NAV2: variants seen among roughly 807,000 people sequenced by gnomAD.
NAV2 encodes helicase, APC down-regulated 1.
Under a neutral mutation model 223.2 loss-of-function variants are expected in NAV2, and 54 were observed. The observed-to-expected ratio is 0.24, with a 90% CI of 0.19 to 0.30. The LOEUF (loss-of-function observed/expected upper bound fraction) is 0.30. NAV2 is among the 10% of genes least tolerant of loss of function. The pLI is 1.00. For missense variants in NAV2, 2,806 were observed against 3,147.5 expected, an observed-to-expected ratio of 0.89 and a Z score of 2.60; for synonymous variants, 1,279 against 1,239.3, an observed-to-expected ratio of 1.03 and a Z score of -0.67.
intron 1 of NAV2, among the ~76,000 whole-genome samples, chr11:19,790,387 C>A (rs555524612): frequency 1.3e-5 from 2 of 152,316 alleles, no homozygotes; most frequent in Admixed American, 1.3e-4. Context: ...CTCTGACTTC[C>A]AGCCCAGGGC....
intron 1 of NAV2, among the ~76,000 whole-genome samples, chr11:19,429,795 G>A (rs886223949): frequency 2.0e-5 from 3 of 152,188 alleles, no homozygotes; most frequent in Non-Finnish European, 4.4e-5. Flanking sequence ...TAAGTCCTGA[G>A]ACCGTGCAAC....
chr11:19,565,824 T>A (rs2045249030), intron 1 of NAV2, among the ~76,000 whole-genome samples: 1 of 152,204 alleles, frequency 6.6e-6, no homozygotes, highest in Non-Finnish European at 1.5e-5. Context: ...GACATTTCAA[T>A]TTTCCTCCTG....
chr11:20,095,233 CATT>C (rs1240585654), intron 29 of NAV2, among the ~76,000 whole-genome samples: 1 of 151,978 alleles, frequency 6.6e-6, no homozygotes, highest in Non-Finnish European at 1.5e-5. Context: ...CAGAATATAT[CATT>C]ATATAAGTTA....
At chr11:19,896,090 T>G (rs937449637) in intron 6 of NAV2, among the ~76,000 whole-genome samples, 4 of 152,304 alleles carry the variant, frequency 2.6e-5, no homozygotes, top group Non-Finnish European at 5.9e-5. Flanking sequence ...GAAGCCTTCC[T>G]GTAAGTGAGT....
intron 1 of NAV2, among the ~76,000 whole-genome samples, chr11:19,594,708 T>C (rs1177318662): frequency 1.3e-5 from 2 of 152,128 alleles, no homozygotes; most frequent in Non-Finnish European, 2.9e-5. Flanking sequence ...AACAGGGGCA[T>C]TGGTAACACT....
At chr11:19,645,819 A>G (rs764833171) in intron 1 of NAV2, among the ~76,000 whole-genome samples, 18 of 152,124 alleles carry the variant, frequency 1.2e-4, no homozygotes, top group Non-Finnish European at 5.9e-5. Flanking sequence ...TATCACCACA[A>G]CGCTGGTTGG....
rs755595337 is a variant in NAV2, at chr11:19,377,089, C to G, written c.75+26062C>G. Reference sequence around the variant, plus strand: ...AGTGCCCCAGACAAGCATCAGGAGACCTGGTTCTGGCTCCCAGCAATCTCT... The same window carrying G: ...AGTGCCCCAGACAAGCATCAGGAGAGCTGGTTCTGGCTCCCAGCAATCTCT... On this transcript the variant is annotated intron_variant, in intron 1 of 37. Transcript: ENST00000360655. Among the ~76,000 whole-genome samples the G allele has an allele frequency of 1.2e-3, 178 of 152,266 alleles. 2 individuals carry two copies. Among genetic ancestry groups the G allele is most frequent in the South Asian group, 6.2e-4 (3 of 4,826 alleles).
chr11:19,714,030 G>T, intron 1 of NAV2, 68 bp downstream of exon 1: 4 of 1,569,278 alleles, frequency 2.5e-6, no homozygotes, highest in East Asian at 2.3e-5. Context: ...GGGATGGTGT[G>T]GGAGAAAGGG....
intron 11 of NAV2, among the ~76,000 whole-genome samples, chr11:20,034,479 A>T (rs1456379452): frequency 6.6e-6 from 1 of 151,508 alleles, no homozygotes; most frequent in Non-Finnish European, 1.5e-5. Context: ...TCCCGGGTTC[A>T]AGCAATCATC....
At chr11:19,496,761 C>G (rs1333478508) in intron 1 of NAV2, among the ~76,000 whole-genome samples, 1 of 152,070 alleles carries the variant, frequency 6.6e-6, no homozygotes, top group Non-Finnish European at 1.5e-5. Context: ...AATGAACAAG[C>G]TATTTTAAAA....
intron 11 of NAV2, among the ~76,000 whole-genome samples, chr11:20,018,924 A>G (rs929207442): frequency 2.7e-4 from 41 of 152,194 alleles, no homozygotes; most frequent in Admixed American, 3.3e-4. Context: ...AAGGAGGCAC[A>G]GTGCGAGGGC....
At chr11:19,543,096 A>G (rs1194333735) in intron 1 of NAV2, among the ~76,000 whole-genome samples, 1 of 152,226 alleles carries the variant, frequency 6.6e-6, no homozygotes, top group Non-Finnish European at 1.5e-5. Context: ...ATCCTTGGTC[A>G]TCTTTAAGAT....
chr11:19,766,910 T>G (rs984119750), intron 1 of NAV2, among the ~76,000 whole-genome samples: 1 of 152,006 alleles, frequency 6.6e-6, no homozygotes, highest in African/African-American at 2.4e-5. Context: ...AAAGGCCCCT[T>G]GGGGGGTGGA....
chr11:19,946,104 A>T (rs901122099), intron 8 of NAV2, among the ~76,000 whole-genome samples: 1 of 152,210 alleles, frequency 6.6e-6, no homozygotes, highest in African/African-American at 2.4e-5. Context: ...TCTCTGTTGG[A>T]GACACTGTGG....
intron 1 of NAV2, among the ~76,000 whole-genome samples, chr11:19,811,906 G>A (rs1469887340): frequency 6.6e-6 from 1 of 152,190 alleles, no homozygotes; most frequent in Non-Finnish European, 1.5e-5. Flanking sequence ...CTGCAGTGGT[G>A]AGCAAAACAG....
rs1251961381 is a variant in NAV2, at chr11:20,080,090, C to T, written c.5206C>T (p.Leu1736Phe). ...KGNGTAQSAD[L>F]RIRRQHSSDS... ...AAACGGCACTGCCCAGTCTGCAGACCTCCGCATCCGCAGGCAGCACTCCTC... is the reference window on the plus strand; with the variant it reads ...AAACGGCACTGCCCAGTCTGCAGACTTCCGCATCCGCAGGCAGCACTCCTC... The change falls in exon 25 of 38, where the codon CTC becomes TTC. Residue 1736 changes from leucine to phenylalanine, a missense_variant. Physicochemically the swap from Leu to Phe is conservative, Grantham distance 22. Coordinates refer to ENST00000349880, the MANE Select transcript of NAV2 (RefSeq NM_145117.5). 6.2e-7 allele frequency: 1 copy of T among 1,613,930 alleles called. No homozygotes were observed. The highest frequency in any genetic ancestry group is 1.1e-5 in the South Asian group (1 of 91,070).
chr11:19,777,092 GAC>G (rs1491472612), intron 1 of NAV2, among the ~76,000 whole-genome samples: 1 of 101,098 alleles, frequency 9.9e-6, no homozygotes, highest in African/African-American at 4.6e-5. Flanking sequence ...ACCAGCCGCC[GAC>G]CCCCCCCCCC....
At chr11:19,503,915 A>G (rs951782686) in intron 1 of NAV2, 1 of 152,222 alleles carries the variant, frequency 6.6e-6, no homozygotes, top group Non-Finnish European at 1.5e-5. Flanking sequence ...TGCAAAAGAC[A>G]ATCTGATCGA....
Position 19,552,903 on chromosome 11 carries a change from AG to A in NAV2, c.75+201883del, listed in dbSNP as rs1265996396. 9.8e-5 allele frequency among the ~76,000 whole-genome samples: 4 copies of A among 40,978 alleles called. No individual in the cohort carries two copies. In the East Asian group the frequency reaches 2.0e-3, roughly 21 times the overall value. 26.9% of individuals were successfully genotyped at this position (40,978 alleles called of 152,430 possible). On this transcript the variant is annotated intron_variant, in intron 1 of 37. Transcript: ENST00000360655. ...TGTGTGTGAGTGTGTGTGGGGGGGA[AG>A]GGGGGGAGCTGGATGGGAGTGCTGA...
Sources: allele counts gnomAD v4.1 joint callset (sites outside exome capture counted in the v4.1 genomes callset), GRCh38; gene constraint gnomAD v4.1.1; transcripts MANE v1.5; gene names NCBI Gene and HGNC (gene_info 2026-07-23, HGNC 2026-07-21).